RFX3: variants seen among roughly 807,000 people sequenced by gnomAD.
RFX3 encodes regulatory factor X3.
RFX3 carries 14 observed loss-of-function variants against 98.6 expected under a neutral mutation model. That is an observed-to-expected ratio of 0.14 (90% CI 0.09 to 0.22). The LOEUF is 0.22. Ranked by LOEUF, RFX3 falls within the 10% of genes least tolerant of loss-of-function variation. The pLI is 1.00. For synonymous variants in RFX3, 383 were observed against 328.4 expected, an observed-to-expected ratio of 1.17 and a Z score of -1.80; for missense variants, 639 against 926.9, an observed-to-expected ratio of 0.69 and a Z score of 4.03.
At chr9:3,260,359 T>C (rs617047) in intron 13 of RFX3, among the ~76,000 whole-genome samples, 121,549 of 151,854 alleles carry the variant, frequency 0.8, 49,834 homozygotes, top group East Asian at 0.9. Context: ...TCACTGATCA[T>C]TAATATGCAA....
chr9:3,422,493 G>C (rs891007151), intron 1 of RFX3, among the ~76,000 whole-genome samples: 2 of 152,172 alleles, frequency 1.3e-5, no homozygotes, highest in African/African-American at 4.8e-5. Flanking sequence ...GTTAGACAAA[G>C]CAAAGGAGAA....
intron 9 of RFX3, among the ~76,000 whole-genome samples, chr9:3,275,155 T>C (rs192533721): frequency 3.3e-5 from 5 of 151,958 alleles, no homozygotes; most frequent in African/African-American, 1.2e-4. Context: ...ATCTTTTGCA[T>C]TAAAAATAAT....
At chr9:3,264,069 GT>G (rs1398957105) in intron 12 of RFX3, among the ~76,000 whole-genome samples, 1 of 151,622 alleles carries the variant, frequency 6.6e-6, no homozygotes. Context: ...ATTCCTCTTT[GT>G]TTTTTTCAAC....
chr9:3,360,528 A>T (rs796392585), intron 2 of RFX3, among the ~76,000 whole-genome samples: 1 of 152,136 alleles, frequency 6.6e-6, no homozygotes, highest in Non-Finnish European at 1.5e-5. Context: ...AAAAAAAATT[A>T]TCCCCCAAAT....
chr9:3,252,644 C>T (rs935965441), intron 14 of RFX3, among the ~76,000 whole-genome samples: 1 of 152,040 alleles, frequency 6.6e-6, no homozygotes, highest in Non-Finnish European at 1.5e-5. Context: ...CTGATAGGGT[C>T]TGGATGACTC....
chr9:3,390,944 G>A lies in RFX3; in HGVS notation c.117+4528C>T, dbSNP rs369123043. Among the ~76,000 whole-genome samples the A allele has an allele frequency of 8.2e-4, 125 of 152,140 alleles. 1 individual carries two copies. The South Asian group carries it at 0.022, about 26-fold the overall frequency. On this transcript the variant is annotated intron_variant, in intron 2 of 16. Coordinates refer to ENST00000617270, the MANE Select transcript of RFX3 (RefSeq NM_001282116.2). ...AAAAATTAAATTAATGGCAAAAACC[G>A]CAATTACTTTTGCACCAACCTATAT...
chr9:3,270,964 C>A, intron 10 of RFX3, 39 bp downstream of exon 10: 3 of 1,613,330 alleles, frequency 1.9e-6, no homozygotes, highest in Non-Finnish European at 2.5e-6. Flanking sequence ...GACATCTACT[C>A]AGCCATGAAA....
intron 13 of RFX3, among the ~76,000 whole-genome samples, chr9:3,258,847 AAT>A (rs1481378701): frequency 1.3e-5 from 2 of 151,264 alleles, no homozygotes; most frequent in Non-Finnish European, 3.0e-5. Flanking sequence ...TTATATTTTA[AAT>A]ATATATTTGT....
intron 1 of RFX3, among the ~76,000 whole-genome samples, chr9:3,433,190 T>C (rs1242272810): frequency 6.6e-6 from 1 of 152,098 alleles, no homozygotes; most frequent in African/African-American, 2.4e-5. Flanking sequence ...CTCAAGCCCA[T>C]GTTGTTCAAG....
chr9:3,261,410 TA>T (rs1307590846), intron 13 of RFX3, among the ~76,000 whole-genome samples: 1 of 152,186 alleles, frequency 6.6e-6, no homozygotes, highest in Non-Finnish European at 1.5e-5. Context: ...TGATCCTTTG[TA>T]CCTGGCTTCT....
chr9:3,450,619 GT>G (rs1846514352), intron 1 of RFX3, among the ~76,000 whole-genome samples: 1 of 152,098 alleles, frequency 6.6e-6, no homozygotes, highest in African/African-American at 2.4e-5. Context: ...TCCTAATGGA[GT>G]TTAAAGTCTT....
chr9:3,410,206 T>TGTGTGTGTGTGTGTGTGC (rs1842344008), intron 1 of RFX3, among the ~76,000 whole-genome samples: 2 of 150,218 alleles, frequency 1.3e-5, no homozygotes, highest in African/African-American at 5.0e-5. Context: ...TGTGTGTGTG[T>TGTGTGTGTGTGTGTGTGC]GTGGCGCTAT....
intron 6 of RFX3, among the ~76,000 whole-genome samples, chr9:3,291,358 C>G (rs973996238): frequency 6.6e-6 from 1 of 151,596 alleles, no homozygotes; most frequent in South Asian, 2.1e-4. Flanking sequence ...GGCAACAGAG[C>G]GAGAATCCTT....
At chr9:3,366,703 T>TTTCTTTCTTTTC (rs1837180209) in intron 2 of RFX3, among the ~76,000 whole-genome samples, 1 of 118,168 alleles carries the variant, frequency 8.5e-6, no homozygotes, top group Admixed American at 8.7e-5. Context: ...CCTTTCTTTC[T>TTTCTTTCTTTTC]TTCTTTCTTT....
At chr9:3,295,249 C>T (rs747208740) in intron 5 of RFX3, among the ~76,000 whole-genome samples, 1 of 151,616 alleles carries the variant, frequency 6.6e-6, no homozygotes, top group Non-Finnish European at 1.5e-5. Context: ...TTAAGTATAG[C>T]TGAGGGAGAC....
At chr9:3,516,162 C>A (rs554403697) in intron 1 of RFX3, among the ~76,000 whole-genome samples, 3 of 152,056 alleles carry the variant, frequency 2.0e-5, no homozygotes, top group Non-Finnish European at 2.9e-5. Context: ...CATTCTCTCA[C>A]CTCAGCCTCC....
intron 1 of RFX3, among the ~76,000 whole-genome samples, chr9:3,492,027 C>G (rs905332299): frequency 6.6e-6 from 1 of 152,136 alleles, no homozygotes; most frequent in African/African-American, 2.4e-5. Flanking sequence ...TCTACAATGA[C>G]TTTATTTTCA....
chr9:3,318,086 A>G (rs1371521217), intron 4 of RFX3, among the ~76,000 whole-genome samples: 1 of 152,232 alleles, frequency 6.6e-6, no homozygotes, highest in Non-Finnish European at 1.5e-5. Flanking sequence ...TGTTTACTGC[A>G]GCACTATTCA....
chr9:3,465,892 A>AT (rs754944265), intron 1 of RFX3, among the ~76,000 whole-genome samples: 11 of 152,180 alleles, frequency 7.2e-5, no homozygotes, highest in Non-Finnish European at 1.5e-4. Context: ...TTGAAAAAAA[A>AT]GTGAAGGACA....
Sources: allele counts gnomAD v4.1 joint callset (sites outside exome capture counted in the v4.1 genomes callset), GRCh38; gene constraint gnomAD v4.1.1; transcripts MANE v1.5; gene names NCBI Gene and HGNC (gene_info 2026-07-23, HGNC 2026-07-21).